The following KDM1B variants were observed in gnomAD, a reference collection of about 807,000 sequenced individuals.
KDM1B encodes the protein lysine-specific histone demethylase 2.
A neutral mutation model predicts 107.4 loss-of-function variants in KDM1B; 63 were observed. The observed-to-expected ratio is 0.59, with a 90% CI of 0.48 to 0.72. The LOEUF is 0.72. Among genes scored for constraint, KDM1B ranks in the 30% least tolerant of loss-of-function variants. The probability of loss-of-function intolerance (pLI) is 0.00; values close to 1 mark genes in which losing one functional copy is unlikely to be tolerated. For synonymous variants in KDM1B, 363 were observed against 363.9 expected, an observed-to-expected ratio of 1.00 and a Z score of 0.03; for missense variants, 749 against 1,020.8, an observed-to-expected ratio of 0.73 and a Z score of 3.63.
chr6:18,194,401 T>C (rs976950615), intron 10 of KDM1B, among the ~76,000 whole-genome samples: 1 of 152,148 alleles, frequency 6.6e-6, no homozygotes, highest in African/African-American at 2.4e-5. Flanking sequence ...CCTGGATTTC[T>C]GTAGTGGCCT....
At chr6:18,184,273 C>CTTCTTTTTTTTTTTTTT (rs1554144142) in intron 7 of KDM1B, among the ~76,000 whole-genome samples, 4 of 116,670 alleles carry the variant, frequency 3.4e-5, no homozygotes, top group Non-Finnish European at 6.9e-5. Context: ...GTTCTAGCTT[C>CTTCTTTTTTTTTTTTTT]TTTTTTTTTT....
intron 10 of KDM1B, among the ~76,000 whole-genome samples, chr6:18,192,089 C>A (rs773903960): frequency 6.6e-6 from 1 of 151,422 alleles, no homozygotes; most frequent in African/African-American, 2.4e-5. Flanking sequence ...TGAGACCCCC[C>A]CATCTCTACA....
At chr6:18,217,583 T>C (rs1160074392) in intron 20 of KDM1B, 150 bp from the exon 21 acceptor site, 7 of 573,510 alleles carry the variant, frequency 1.2e-5, no homozygotes, top group Non-Finnish European at 1.8e-5. Context: ...TTCACCGTGT[T>C]AGCCAGGATC....
At chr6:18,156,319 A>G (rs1484805461) in intron 2 of KDM1B, among the ~76,000 whole-genome samples, 1 of 152,156 alleles carries the variant, frequency 6.6e-6, no homozygotes, top group Non-Finnish European at 1.5e-5. Context: ...ACCCAGCTGT[A>G]GAAAGTTGGG....
At chr6:18,206,469 A>G (rs1788379917) in intron 15 of KDM1B, among the ~76,000 whole-genome samples, 1 of 152,208 alleles carries the variant, frequency 6.6e-6, no homozygotes, top group African/African-American at 2.4e-5. Flanking sequence ...GTTAGCTGTG[A>G]TGGTGCTACC....
In KDM1B at chr6:18,186,687, GCCT is replaced by G. The variant is rs1786874976; in HGVS notation, c.573+879_573+881del. On this transcript the variant is annotated intron_variant, in intron 8 of 21. Coordinates refer to ENST00000650836, the MANE Select transcript of KDM1B (RefSeq NM_001364614.2). The surrounding 1 kb of genome is among the most constrained non-coding windows in gnomAD (Gnocchi z 5.6). ...CTCACAGTTCTGCATGGCTGGGGAG[GCCT>G]CAGGAAACTTAGAATCATGGCAGAA... 6.6e-6 allele frequency among the ~76,000 whole-genome samples: 1 copy of G among 152,136 alleles called. No individual in the cohort carries two copies. The highest frequency in any genetic ancestry group is 2.4e-5 in the African/African-American group (1 of 41,426).
At chr6:18,177,670 A>G (rs371188592) in intron 7 of KDM1B, among the ~76,000 whole-genome samples, 2 of 151,924 alleles carry the variant, frequency 1.3e-5, no homozygotes, top group South Asian at 2.1e-4. Flanking sequence ...CAGCCTCCCA[A>G]AGTGCTGGGA....
At chr6:18,185,863 G>A in intron 8 of KDM1B, 53 bp downstream of exon 8, 1 of 1,525,850 alleles carries the variant, frequency 6.6e-7, no homozygotes, top group Non-Finnish European at 9.1e-7. Flanking sequence ...TTGATGATAA[G>A]TGTTACAAGG....
rs1582238148 is a variant in KDM1B at position 18,222,533 on chromosome 6, A to G, written c.*541A>G. 1 of 183,778 alleles carries G rather than the reference A, an allele frequency of 5.4e-6. No individual in the cohort carries two copies. Among genetic ancestry groups the G allele is most frequent in the Non-Finnish European group, 1.2e-5 (1 of 86,930 alleles). The allele number at this position is 183,778 out of a possible 1,614,324, so 11.4% of individuals were successfully genotyped here. On this transcript the variant is annotated 3_prime_UTR_variant, in exon 22 of 22. Coordinates refer to ENST00000650836, the MANE Select transcript of KDM1B (RefSeq NM_001364614.2). ...ACAGCACAAACTCCAGTTGACAGTA[A>G]AATGAAGCTTCTAGGTATTTTGTAT... is the stretch of plus-strand genomic sequence containing the variant.
At chr6:18,196,765 C>G (rs1787679123) in intron 10 of KDM1B, among the ~76,000 whole-genome samples, 1 of 152,116 alleles carries the variant, frequency 6.6e-6, no homozygotes, top group South Asian at 2.1e-4. Context: ...TATAAGTAAT[C>G]TAGAGGTAGC....
Position 18,197,810 on chromosome 6 carries a change from T to A in KDM1B, c.1221+149T>A. 1.9e-6 allele frequency: 1 copy of A among 526,646 alleles called. No homozygotes were observed. Among genetic ancestry groups the A allele is most frequent in the South Asian group, 3.3e-5 (1 of 30,470 alleles). 32.6% of individuals were successfully genotyped at this position (526,646 alleles called of 1,614,324 possible). A position where few individuals can be genotyped will look rare whatever the true frequency, so the allele number is the denominator to read the frequency against. On this transcript the variant is annotated intron_variant, in intron 12 of 21. Transcript: ENST00000650836. The surrounding 1 kb of genome is among the most constrained non-coding windows in gnomAD (Gnocchi z 4.5). ...TTAGGTCCTAGAAAAGTTATAAAAC[T>A]TGAAATTGATTTCATAAGAAAAAGG... is the stretch of plus-strand genomic sequence containing the variant.
chr6:18,169,564 A>G (rs1431984846), intron 6 of KDM1B, among the ~76,000 whole-genome samples: 2 of 152,154 alleles, frequency 1.3e-5, no homozygotes, highest in African/African-American at 4.8e-5. Flanking sequence ...TATTAGATCT[A>G]TGATTTGCAA....
chr6:18,217,782 C>T lies in KDM1B; in HGVS notation c.2282C>T (p.Pro761Leu), dbSNP rs745574713. The T allele has an allele frequency of 9.9e-6, 16 of 1,613,702 alleles. No homozygotes were observed. Among genetic ancestry groups the T allele is most frequent in the Non-Finnish European group, 1.4e-5 (16 of 1,179,884 alleles). ...KYFVTRWSTD[P>L]WIQMAYSFVK... Reference sequence around the variant, plus strand: ...TTTGTCACTCGGTGGAGCACAGACCCATGGATCCAGATGGCATACAGTTTT... The same window carrying T: ...TTTGTCACTCGGTGGAGCACAGACCTATGGATCCAGATGGCATACAGTTTT... Residue 761 changes from proline to leucine, a missense_variant, in exon 21 of 22, where the codon CCA becomes CTA. Pro to Leu is a moderately conservative substitution (Grantham distance 98). Coordinates refer to ENST00000650836, the MANE Select transcript of KDM1B (RefSeq NM_001364614.2).
At chr6:18,176,031 T>G (rs968895911) in intron 7 of KDM1B, among the ~76,000 whole-genome samples, 11 of 152,154 alleles carry the variant, frequency 7.2e-5, no homozygotes, top group Admixed American at 5.2e-4. Flanking sequence ...GGGGATTGCT[T>G]TTAACTTGTA....
At chr6:18,176,488 T>C (rs1365291667) in intron 7 of KDM1B, among the ~76,000 whole-genome samples, 1 of 152,184 alleles carries the variant, frequency 6.6e-6, no homozygotes. Context: ...CTTCTAGTAC[T>C]ATGTTGAAGA....
chr6:18,157,904 C>T (rs1460638790), intron 2 of KDM1B, among the ~76,000 whole-genome samples: 1 of 143,988 alleles, frequency 6.9e-6, no homozygotes, highest in Non-Finnish European at 1.5e-5. Context: ...GCTCCGCCTG[C>T]GGGGTTCATG....
chr6:18,163,884 G>A (rs1164781117), intron 5 of KDM1B, among the ~76,000 whole-genome samples: 1 of 152,120 alleles, frequency 6.6e-6, no homozygotes, highest in Non-Finnish European at 1.5e-5. Context: ...GGAGAAAAAT[G>A]TGTATTTTGC....
At chr6:18,167,986 C>T (rs976617263) in intron 6 of KDM1B, among the ~76,000 whole-genome samples, 3 of 152,144 alleles carry the variant, frequency 2.0e-5, no homozygotes, top group Admixed American at 2.0e-4. Flanking sequence ...GTCTCAAATA[C>T]TGGACTCAAG....
At chr6:18,202,234 A>C (rs559423628) in intron 14 of KDM1B, among the ~76,000 whole-genome samples, 1 of 138,736 alleles carries the variant, frequency 7.2e-6, no homozygotes, top group Non-Finnish European at 1.5e-5. Context: ...CCTTGTGTCT[A>C]CAAAAAAAAA....
Sources: allele counts gnomAD v4.1 joint callset (sites outside exome capture counted in the v4.1 genomes callset), GRCh38; gene constraint gnomAD v4.1.1; non-coding constraint Gnocchi (gnomAD v3.1); transcripts MANE v1.5; gene names NCBI Gene and HGNC (gene_info 2026-07-23, HGNC 2026-07-21).